NINL: variants seen among roughly 807,000 people sequenced by gnomAD.
The protein encoded by NINL is ninein like.
NINL carries 153 observed loss-of-function variants against 160.3 expected under a neutral mutation model. That is an observed-to-expected ratio of 0.95 (90% CI 0.84 to 1.09). The LOEUF is 1.09. Among genes scored for constraint, NINL ranks in the 50% least tolerant of loss-of-function variants. The pLI, the probability that NINL is intolerant of heterozygous loss-of-function variation, is 0.00. For missense variants in NINL, 1,829 were observed against 1,764.0 expected, an observed-to-expected ratio of 1.04 and a Z score of -0.66; for synonymous variants, 800 against 734.8, an observed-to-expected ratio of 1.09 and a Z score of -1.43.
At chr20:25,458,317 G>T in intron 22 of NINL, 66 bp downstream of exon 22, 1 of 1,587,572 alleles carries the variant, frequency 6.3e-7, no homozygotes, top group South Asian at 1.1e-5. Context: ...GGTAACTGAG[G>T]ACCGGTGGGC....
chr20:25,497,461 G>A (rs1176832171), intron 9 of NINL, among the ~76,000 whole-genome samples: 1 of 152,258 alleles, frequency 6.6e-6, no homozygotes, highest in East Asian at 1.9e-4. Context: ...GCTGCCTGAG[G>A]CCAGAGGCGG....
At chr20:25,568,232 CAAA>C (rs11483743) in intron 1 of NINL, among the ~76,000 whole-genome samples, 3 of 143,834 alleles carry the variant, frequency 2.1e-5, no homozygotes, top group African/African-American at 7.8e-5. Context: ...TGTCAGATCT[CAAA>C]AAAAAAAAGA....
intron 1 of NINL, among the ~76,000 whole-genome samples, chr20:25,532,776 C>G (rs1238259848): frequency 6.6e-6 from 1 of 152,188 alleles, no homozygotes; most frequent in African/African-American, 2.4e-5. Context: ...TAACCCCTAT[C>G]CAAGACAATA....
At chr20:25,572,265 A>T (rs923893632) in intron 1 of NINL, among the ~76,000 whole-genome samples, 1 of 151,368 alleles carries the variant, frequency 6.6e-6, no homozygotes, top group African/African-American at 2.4e-5. Flanking sequence ...TGTTTCAGTC[A>T]AGTGACCTTA....
At chr20:25,559,939 G>T (rs1414522954) in intron 1 of NINL, among the ~76,000 whole-genome samples, 1 of 150,576 alleles carries the variant, frequency 6.6e-6, no homozygotes, top group East Asian at 2.0e-4. Flanking sequence ...ATTGATTGTC[G>T]ATTGATTGAT....
At chr20:25,578,430 G>C (rs1401533950) in intron 1 of NINL, among the ~76,000 whole-genome samples, 1 of 151,902 alleles carries the variant, frequency 6.6e-6, no homozygotes, top group Non-Finnish European at 1.5e-5. Flanking sequence ...TTCCATGGGC[G>C]CACACACGCA....
chr20:25,536,012 C>G (rs1441293420), intron 1 of NINL, among the ~76,000 whole-genome samples: 1 of 152,154 alleles, frequency 6.6e-6, no homozygotes, highest in Non-Finnish European at 1.5e-5. Flanking sequence ...AACGAGTGAG[C>G]CCTACAGATG....
intron 1 of NINL, among the ~76,000 whole-genome samples, chr20:25,575,619 C>T (rs2065106603): frequency 6.6e-6 from 1 of 151,860 alleles, no homozygotes; most frequent in Admixed American, 6.6e-5. Flanking sequence ...GGCATGGTGG[C>T]GTGGGCCTGT....
chr20:25,517,978 G>A (rs1429672097), intron 2 of NINL, 129 bp from the exon 3 acceptor site: 12 of 527,176 alleles, frequency 2.3e-5, no homozygotes, highest in East Asian at 1.3e-4. Context: ...GAACATTCAC[G>A]TTTTCAAATA....
chr20:25,571,854 T>G (rs1600364756), intron 1 of NINL, among the ~76,000 whole-genome samples: 1 of 105,394 alleles, frequency 9.5e-6, no homozygotes, highest in Non-Finnish European at 1.7e-5. Context: ...GTCAAGAGAG[T>G]GAGACTCTGT....
At chr20:25,566,559 A>G (rs2088933168) in intron 1 of NINL, among the ~76,000 whole-genome samples, 1 of 152,222 alleles carries the variant, frequency 6.6e-6, no homozygotes, top group African/African-American at 2.4e-5. Context: ...AGTGGACAAC[A>G]TACAAAAAGA....
intron 1 of NINL, among the ~76,000 whole-genome samples, chr20:25,566,975 G>A (rs2065004973): frequency 9.0e-6 from 1 of 111,116 alleles, no homozygotes; most frequent in Non-Finnish European, 1.9e-5. Context: ...GCAACACAGT[G>A]AGACAAAAAA....
Position 25,485,642 on chromosome 20 carries a change from A to G in NINL, c.1678-3542T>C, listed in dbSNP as rs536502584. ...ATTCTGGATCCAAGTCTTTTATCAGATAAATACATAATCACAAACATTTAC... is the reference window on the plus strand; with the variant it reads ...ATTCTGGATCCAAGTCTTTTATCAGGTAAATACATAATCACAAACATTTAC... On this transcript the variant is annotated intron_variant, in intron 13 of 23. Transcript: ENST00000278886. 2.2e-4 allele frequency among the ~76,000 whole-genome samples: 33 copies of G among 152,346 alleles called. No homozygotes were observed. The Middle Eastern group carries it at 0.01, about 47-fold the overall frequency.
At chr20:25,510,445 GC>G (rs1451629187) in intron 5 of NINL, among the ~76,000 whole-genome samples, 1 of 152,222 alleles carries the variant, frequency 6.6e-6, no homozygotes, top group Non-Finnish European at 1.5e-5. Context: ...ACGGGCCTCT[GC>G]CCCTGGGTCT....
chr20:25,458,678 C>G (rs1277033290), intron 21 of NINL, 149 bp from the exon 22 acceptor site: 4 of 847,486 alleles, frequency 4.7e-6, no homozygotes, highest in Non-Finnish European at 7.1e-6. Flanking sequence ...TTAGAAGGAG[C>G]CCATTTCTTT....
At chr20:25,454,099 A>G (rs1390588529) in intron 23 of NINL, among the ~76,000 whole-genome samples, 1 of 152,082 alleles carries the variant, frequency 6.6e-6, no homozygotes, top group Non-Finnish European at 1.5e-5. Flanking sequence ...TTATAATGAC[A>G]AGTTTTGTTA....
At chr20:25,531,968 G>T (rs422148) in intron 1 of NINL, among the ~76,000 whole-genome samples, 4,412 of 152,100 alleles carry the variant, frequency 0.029, 209 homozygotes, top group African/African-American at 0.097. Context: ...TTCTTTCTCA[G>T]GGGCATCTTT....
At chr20:25,462,048 C>T (rs7354637) in intron 20 of NINL, among the ~76,000 whole-genome samples, 4 of 152,218 alleles carry the variant, frequency 2.6e-5, no homozygotes, top group Admixed American at 1.3e-4. Context: ...CAGCTGCATC[C>T]TTCCACAAGG....
chr20:25,481,230 AG>A (rs758404187), intron 14 of NINL, among the ~76,000 whole-genome samples: 57 of 152,234 alleles, frequency 3.7e-4, no homozygotes, highest in Middle Eastern at 3.4e-3. Context: ...CGGGGGAGCG[AG>A]GGGAGCAGGT....
Sources: allele counts gnomAD v4.1 joint callset (sites outside exome capture counted in the v4.1 genomes callset), GRCh38; gene constraint gnomAD v4.1.1; transcripts MANE v1.5; gene names NCBI Gene and HGNC (gene_info 2026-07-23, HGNC 2026-07-21).